The following CFAP77 variants were observed in gnomAD, a reference collection of about 807,000 sequenced individuals.
CFAP77 encodes cilia and flagella associated protein 77, also known as cilia- and flagella-associated protein 77.
A neutral mutation model predicts 31.1 loss-of-function variants in CFAP77; 25 were observed. That is an observed-to-expected ratio of 0.80 (90% CI 0.59 to 1.12). The LOEUF is 1.12. Among genes scored for constraint, CFAP77 ranks in the 50% most tolerant of loss-of-function variants. The probability of loss-of-function intolerance (pLI) is 0.00; values close to 1 mark genes in which losing one functional copy is unlikely to be tolerated. For missense variants in CFAP77, 377 were observed against 397.3 expected, an observed-to-expected ratio of 0.95 and a Z score of 0.44; for synonymous variants, 151 against 159.9, an observed-to-expected ratio of 0.94 and a Z score of 0.42.
chr9:132,421,420 GA>G (rs2060634428), intron 1 of CFAP77, among the ~76,000 whole-genome samples: 1 of 152,210 alleles, frequency 6.6e-6, no homozygotes, highest in African/African-American at 2.4e-5. Context: ...TTAAGAAACA[GA>G]ATACAGAATT....
chr9:132,544,490 ATTTTTTTT>A (rs57022259), intron 5 of CFAP77, among the ~76,000 whole-genome samples: 3 of 111,872 alleles, frequency 2.7e-5, no homozygotes, highest in Middle Eastern at 4.5e-3. Flanking sequence ...CTCACTGCCT[ATTTTTTTT>A]TTTTTTTTTT....
At chr9:132,546,284 C>T (rs974723536) in intron 5 of CFAP77, among the ~76,000 whole-genome samples, 2 of 152,230 alleles carry the variant, frequency 1.3e-5, no homozygotes, top group African/African-American at 2.4e-5. Context: ...CAGGGCCACT[C>T]CCCCTAGGCG....
chr9:132,489,553 T>C (rs1851619220), intron 1 of CFAP77, among the ~76,000 whole-genome samples: 1 of 152,206 alleles, frequency 6.6e-6, no homozygotes, highest in Admixed American at 6.5e-5. Flanking sequence ...AGGCGCTCAA[T>C]AAAGAGGGCA....
At chr9:132,479,111 G>A (rs973306534) in intron 1 of CFAP77, among the ~76,000 whole-genome samples, 2 of 152,174 alleles carry the variant, frequency 1.3e-5, no homozygotes, top group African/African-American at 4.8e-5. Flanking sequence ...GAGCAGCACA[G>A]GGCTTGGTAA....
chr9:132,448,149 C>T (rs1022044364), intron 1 of CFAP77, among the ~76,000 whole-genome samples: 1 of 150,836 alleles, frequency 6.6e-6, no homozygotes, highest in East Asian at 1.9e-4. Context: ...TCAGGTTGTA[C>T]TGGATCAAGA....
chr9:132,450,542 T>G (rs1850807635), intron 1 of CFAP77, among the ~76,000 whole-genome samples: 1 of 152,202 alleles, frequency 6.6e-6, no homozygotes, highest in Admixed American at 6.5e-5. Flanking sequence ...ATTATCCCTT[T>G]TCACGGATGA....
intron 3 of CFAP77, among the ~76,000 whole-genome samples, chr9:132,500,228 G>A (rs561090492): frequency 2.0e-4 from 30 of 151,922 alleles, no homozygotes; most frequent in African/African-American, 6.8e-4. Context: ...ACCCAAGCAC[G>A]GCACCACCCC....
chr9:132,566,283 T>A (rs1829883051), intron 5 of CFAP77, among the ~76,000 whole-genome samples: 1 of 152,190 alleles, frequency 6.6e-6, no homozygotes, highest in Admixed American at 6.5e-5. Flanking sequence ...ACGAAGGGCT[T>A]GGGGCCTTGA....
intron 1 of CFAP77, among the ~76,000 whole-genome samples, chr9:132,452,897 TAAG>T (rs879783702): frequency 3.3e-5 from 5 of 152,194 alleles, no homozygotes; most frequent in Non-Finnish European, 5.9e-5. Context: ...TCTTTGACTC[TAAG>T]AAGGAGTTCC....
At chr9:132,432,912 C>T (rs147386052) in intron 1 of CFAP77, among the ~76,000 whole-genome samples, 3,084 of 152,136 alleles carry the variant, frequency 0.02, 96 homozygotes, top group African/African-American at 0.07. Context: ...AGATGGGTTT[C>T]GCCATGTTAG....
At chr9:132,444,282 G>C (rs1464272217) in intron 1 of CFAP77, among the ~76,000 whole-genome samples, 6 of 152,256 alleles carry the variant, frequency 3.9e-5, no homozygotes, top group African/African-American at 1.2e-4. Flanking sequence ...CAAACCTAGA[G>C]CCACCTGCGG....
chr9:132,469,565 G>A (rs1382155078), intron 1 of CFAP77, among the ~76,000 whole-genome samples: 1 of 152,160 alleles, frequency 6.6e-6, no homozygotes, highest in African/African-American at 2.4e-5. Flanking sequence ...AGGCACATCC[G>A]TGCTTCCCAG....
intron 1 of CFAP77, among the ~76,000 whole-genome samples, chr9:132,461,507 G>C (rs571729540): frequency 6.6e-6 from 1 of 152,222 alleles, no homozygotes; most frequent in Non-Finnish European, 1.5e-5. Context: ...GCCAACTAGG[G>C]CAGGCCCCAG....
chr9:132,463,286 C>T (rs887980472), intron 1 of CFAP77, among the ~76,000 whole-genome samples: 3 of 152,128 alleles, frequency 2.0e-5, no homozygotes, highest in Non-Finnish European at 2.9e-5. Context: ...GAATTATGTG[C>T]ACATATATAC....
chr9:132,513,216 G>A lies in CFAP77; in HGVS notation c.524+13616G>A, dbSNP rs936311951. ...TAAGTTATTATTGACTCTAGTCAAG[G>A]GAGCAAAACATTTTAACCAATCCTT... On this transcript the variant is annotated intron_variant, in intron 3 of 5. Transcript: ENST00000393216. 38 of 1,523,696 alleles carry A rather than the reference G, an allele frequency of 2.5e-5. No homozygotes were observed. The African/African-American group carries it at 4.6e-4, about 18-fold the overall frequency. 94.4% of individuals were successfully genotyped at this position (1,523,696 alleles called of 1,614,324 possible).
intron 1 of CFAP77, among the ~76,000 whole-genome samples, chr9:132,486,656 A>C (rs73659054): frequency 0.02 from 3,114 of 152,302 alleles, 105 homozygotes; most frequent in African/African-American, 0.069. Context: ...TCCCCTAAAC[A>C]TGCTGTTGAG....
intron 1 of CFAP77, among the ~76,000 whole-genome samples, chr9:132,470,830 G>A (rs576036933): frequency 6.6e-6 from 1 of 152,274 alleles, no homozygotes; most frequent in South Asian, 2.1e-4. Flanking sequence ...CCAACATGGT[G>A]AAACCCCATC....
In CFAP77 at chr9:132,511,062, G is replaced by T. The variant is rs1410595125; in HGVS notation, c.524+11462G>T. Among the ~76,000 whole-genome samples the T allele has an allele frequency of 6.6e-6, 1 of 152,206 alleles. No homozygotes were observed. The highest frequency in any genetic ancestry group is 2.4e-5 in the African/African-American group (1 of 41,456). On this transcript the variant is annotated intron_variant, in intron 3 of 5. Coordinates refer to ENST00000393216, the MANE Select transcript of CFAP77 (RefSeq NM_001282957.2). The surrounding 1 kb of genome is among the most constrained non-coding windows in gnomAD (Gnocchi z 5.8). ...GAGAGTTCATTTAGTGCCCACCTGT[G>T]CTGGGCATTGTGGTGCTGGGTGTTT...
In CFAP77 at chr9:132,550,487, G is replaced by C. The variant is rs539037590; in HGVS notation, c.732+7440G>C. On this transcript the variant is annotated intron_variant, in intron 5 of 5. Transcript: ENST00000393216. ...CCACCAGCTTGGGAAGGAATTTGGG[G>C]AGCAGCATCTTCCTCAACATCTCCC... is the stretch of plus-strand genomic sequence containing the variant. Among the ~76,000 whole-genome samples the C allele has an allele frequency of 3.3e-5, 5 of 150,990 alleles. No individual in the cohort carries two copies. In the South Asian group the frequency reaches 1.1e-3, roughly 32 times the overall value.
Sources: gnomAD v4.1 joint callset for allele counts (sites outside exome capture counted in the v4.1 genomes callset) on GRCh38, gnomAD v4.1.1 for gene constraint, Gnocchi (gnomAD v3.1) non-coding constraint, MANE v1.5 for transcripts, NCBI Gene and HGNC (gene_info 2026-07-23, HGNC 2026-07-21) for gene names.